Variants in FKBP15 observed in about 807,000 individuals in gnomAD.
The protein encoded by FKBP15 is FKBP prolyl isomerase family member 15, also known as FK506-binding protein 15.
FKBP15 carries 106 observed loss-of-function variants against 158.1 expected under a neutral mutation model. The observed-to-expected ratio is 0.67, with a 90% CI of 0.57 to 0.79. The LOEUF (loss-of-function observed/expected upper bound fraction) is 0.79, where lower values mean the gene tolerates loss of function less well. FKBP15 is among the 30% of genes least tolerant of loss of function. The probability of loss-of-function intolerance (pLI) is 0.00; values close to 1 mark genes in which losing one functional copy is unlikely to be tolerated. For synonymous variants in FKBP15, 547 were observed against 548.6 expected, an observed-to-expected ratio of 1.00 and a Z score of 0.04; for missense variants, 1,287 against 1,479.1, an observed-to-expected ratio of 0.87 and a Z score of 2.13.
rs768329710 is a variant in FKBP15 at position 113,171,564 on chromosome 9, T to C, written c.2658+17A>G. On this transcript the variant is annotated intron_variant, in intron 24 of 27. Transcript: ENST00000238256. ...TTGATATAAATGGCTTGCTTCTCAT[T>C]TGAAATACCAGCTCACCTTCTCTGA... is the stretch of plus-strand genomic sequence containing the variant. 2 of 1,605,236 alleles carry C rather than the reference T, an allele frequency of 1.2e-6. No homozygotes were observed. The highest frequency in any genetic ancestry group is 2.7e-5 in the African/African-American group (2 of 74,930).
intron 1 of FKBP15, among the ~76,000 whole-genome samples, chr9:113,213,397 G>A (rs546028313): frequency 3.4e-5 from 5 of 147,550 alleles, no homozygotes; most frequent in Non-Finnish European, 5.9e-5. Flanking sequence ...CAACGAGAGC[G>A]AAACTCCGTC....
rs1830512079 is a variant in FKBP15, at chr9:113,187,897, G to A, written c.1279C>T (p.Pro427Ser). ...TGGAGCCCAGTAACAGATGGCTGAG[G>A]TGCTAAGATAAAGGGAGACATTTTC... The part of the protein sequence containing the change: ...PALPQMTSQA[P>S]QPSVTGLQAP... The change falls in exon 14 of 28, where the codon CCT (proline) becomes TCT (serine). Residue 427 changes from proline (P) to serine (S), a missense_variant and splice_region_variant. Coordinates refer to ENST00000238256, the MANE Select transcript of FKBP15 (RefSeq NM_015258.2). 1.2e-6 allele frequency: 2 copies of A among 1,612,692 alleles called. No homozygotes were observed. The highest frequency in any genetic ancestry group is 1.7e-6 in the Non-Finnish European group (2 of 1,178,844).
intron 2 of FKBP15, among the ~76,000 whole-genome samples, chr9:113,209,952 T>C (rs1169577450): frequency 6.6e-6 from 1 of 152,186 alleles, no homozygotes; most frequent in Non-Finnish European, 1.5e-5. Context: ...TGAGGTGACT[T>C]AGAGTGGGGC....
chr9:113,172,437 A>G (rs565203824), intron 23 of FKBP15, among the ~76,000 whole-genome samples: 2 of 152,264 alleles, frequency 1.3e-5, no homozygotes, highest in East Asian at 3.9e-4. Context: ...GTCTTCCACA[A>G]TGGTTGAACT....
intron 20 of FKBP15, among the ~76,000 whole-genome samples, chr9:113,177,899 G>A (rs533065194): frequency 3.3e-5 from 5 of 152,290 alleles, no homozygotes; most frequent in Admixed American, 1.3e-4. Flanking sequence ...ACACTAATAT[G>A]GAGGAGAGGA....
intron 21 of FKBP15, among the ~76,000 whole-genome samples, chr9:113,175,320 T>TGAC (rs1830283309): frequency 6.6e-6 from 1 of 152,108 alleles, no homozygotes; most frequent in Non-Finnish European, 1.5e-5. Flanking sequence ...TAGTAGTATC[T>TGAC]ATAGTAATGA....
At chr9:113,204,218 C>T (rs1401276947) in intron 4 of FKBP15, among the ~76,000 whole-genome samples, 1 of 152,208 alleles carries the variant, frequency 6.6e-6, no homozygotes, top group African/African-American at 2.4e-5. Flanking sequence ...GCTGGGATTA[C>T]AGGCATGTGC....
chr9:113,186,409 T>C, intron 14 of FKBP15, 46 bp from the exon 15 acceptor site: 1 of 1,351,476 alleles, frequency 7.4e-7, no homozygotes, highest in South Asian at 1.3e-5. Context: ...CATTCATGTC[T>C]TTCTTTTTTG....
At position 113,165,809 on chromosome 9, in the gene FKBP15, G is replaced by C. The variant is rs182521755; in HGVS notation, c.*269C>G. 4.3e-3 allele frequency: 1,641 copies of C among 381,824 alleles called. 7 individuals are homozygous for C. The highest frequency in any genetic ancestry group is 5.0e-3 in the Non-Finnish European group (1,012 of 202,082). The allele number at this position is 381,824 out of a possible 1,614,324, so 23.7% of individuals were successfully genotyped here. On this transcript the variant is annotated 3_prime_UTR_variant, in exon 28 of 28. Transcript: ENST00000238256. ...CTGGCAGAGGACAGGACTCTTACAG[G>C]TGACTGGCTTGGAGGGGAACCTACC...
chr9:113,218,419 C>T (rs7863170), intron 1 of FKBP15, among the ~76,000 whole-genome samples: 8,875 of 131,274 alleles, frequency 0.068, 359 homozygotes, highest in African/African-American at 0.098. Flanking sequence ...ATATACATTT[C>T]TCATTTGTAA....
In FKBP15 at chr9:113,194,052, G is replaced by C. The variant is rs749104199; in HGVS notation, c.982C>G (p.Pro328Ala). The C allele has an allele frequency of 6.2e-7, 1 of 1,612,876 alleles. No homozygotes were observed. Among genetic ancestry groups the C allele is most frequent in the African/African-American group, 1.3e-5 (1 of 74,858 alleles). The change falls in exon 10 of 28, where the codon CCC becomes GCC. Residue 328 changes from proline (P) to alanine (A), a missense_variant. Coordinates refer to ENST00000238256, the MANE Select transcript of FKBP15 (RefSeq NM_015258.2). ...CCTGATTTGAAAGGTATTGATGTGGGTGGTGACACAACAGGATCAGCAGAG... is the reference window on the plus strand; with the variant it reads ...CCTGATTTGAAAGGTATTGATGTGGCTGGTGACACAACAGGATCAGCAGAG... ...NLSADPVVSPPTSIPFKSGEP... is the reference protein window; with the variant it reads ...NLSADPVVSPATSIPFKSGEP...
At chr9:113,213,970 G>A (rs867228797) in intron 1 of FKBP15, among the ~76,000 whole-genome samples, 3 of 152,076 alleles carry the variant, frequency 2.0e-5, no homozygotes, top group Middle Eastern at 3.4e-3. Context: ...GTCTCAATCT[G>A]TCACCAGGCT....
At position 113,194,059 on chromosome 9, in the gene FKBP15, C is replaced by G; in HGVS notation, c.975G>C (p.Val325=). The stretch of plus-strand genomic sequence containing the variant: ...TGAAAGGTATTGATGTGGGTGGTGA[C>G]ACAACAGGATCAGCAGAGAGGTTGT... ...GADNLSADPV[V]SPPTSIPFKS... Residue 325 remains valine (V), a synonymous_variant, in exon 10 of 28, where the codon GTG becomes GTC. Transcript: ENST00000238256. 3.1e-6 allele frequency: 5 copies of G among 1,613,110 alleles called. No individual in the cohort carries two copies. The highest frequency in any genetic ancestry group is 4.2e-6 in the Non-Finnish European group (5 of 1,179,354).
chr9:113,208,259 C>G (rs1830933091), intron 2 of FKBP15, among the ~76,000 whole-genome samples: 1 of 152,106 alleles, frequency 6.6e-6, no homozygotes, highest in South Asian at 2.1e-4. Flanking sequence ...ATCGCTTGAG[C>G]CTGGGAGGCA....
intron 23 of FKBP15, 65 bp from the exon 24 acceptor site, chr9:113,171,771 G>A (rs1435792145): frequency 3.0e-6 from 4 of 1,321,036 alleles, no homozygotes; most frequent in Middle Eastern, 2.2e-4. Flanking sequence ...AACCCAAGGG[G>A]AGGAGAACCA....
chr9:113,168,401 G>A (rs1374649644), intron 27 of FKBP15, 59 bp downstream of exon 27: 9 of 1,431,796 alleles, frequency 6.3e-6, no homozygotes, highest in Non-Finnish European at 8.9e-6. Flanking sequence ...CTCAGAGCCA[G>A]TAGGGAAGAG....
chr9:113,202,640 G>A lies in FKBP15; in HGVS notation c.400-11C>T. On this transcript the variant is annotated splice_polypyrimidine_tract_variant and intron_variant, in intron 5 of 27. Transcript: ENST00000238256. ...GTTATTGGGCCGAACCTGGAGAAAG[G>A]AGAAATGTTAAATTCATCCACAAGC... The A allele has an allele frequency of 1.3e-6, 2 of 1,546,374 alleles. No homozygotes were observed. The highest frequency in any genetic ancestry group is 1.8e-6 in the Non-Finnish European group (2 of 1,139,550).
Position 113,206,710 on chromosome 9 carries a change from AAATT to A in FKBP15, c.255-136_255-133del, listed in dbSNP as rs1378479986. On this transcript the variant is annotated intron_variant, in intron 3 of 27. Transcript: ENST00000238256. ...GGCAGGGACACAGGTGAGCGGTTTA[AAATT>A]TTTTTTTTTTTTTTTTTTTTTGAGA... 5.7e-6 allele frequency: 3 copies of A among 526,568 alleles called. No individual in the cohort carries two copies. In the African/African-American group the frequency reaches 9.0e-5, roughly 16 times the overall value. The allele number at this position is 526,568 out of a possible 1,614,324, so 32.6% of individuals were successfully genotyped here.
chr9:113,191,099 CAAGT>C, intron 11 of FKBP15, among the ~76,000 whole-genome samples: 1 of 152,234 alleles, frequency 6.6e-6, no homozygotes. Flanking sequence ...TTCAGAATGG[CAAGT>C]AAGTACACCT....
Sources: gnomAD v4.1 joint callset for allele counts (sites outside exome capture counted in the v4.1 genomes callset) on GRCh38, gnomAD v4.1.1 for gene constraint, MANE v1.5 for transcripts, NCBI Gene and HGNC (gene_info 2026-07-23, HGNC 2026-07-21) for gene names.